Variants in RDH10 observed in about 807,000 individuals in gnomAD.
RDH10 encodes retinol dehydrogenase 10, also known as retinol dehydrogenase 10 (all-trans).
A neutral mutation model predicts 30.2 loss-of-function variants in RDH10; 12 were observed. That is an observed-to-expected ratio of 0.40 (90% CI 0.25 to 0.64). The LOEUF is 0.64. Ranked by LOEUF, RDH10 falls within the 30% of genes least tolerant of loss-of-function variation. The pLI, the probability that RDH10 is intolerant of heterozygous loss-of-function variation, is 0.43. For missense variants in RDH10, 268 were observed against 445.2 expected (o/e 0.60, Z 3.58); for synonymous variants, 189 against 172.2 (o/e 1.10, Z -0.76).
chr8:73,308,126 C>T (rs972589706), intron 2 of RDH10, among the ~76,000 whole-genome samples: 4 of 152,122 alleles, frequency 2.6e-5, no homozygotes, highest in East Asian at 1.9e-4. Flanking sequence ...AAAAAAGTCA[C>T]GAATGGATAG....
At chr8:73,296,035 T>C (rs1160498834) in intron 1 of RDH10, among the ~76,000 whole-genome samples, 1 of 152,194 alleles carries the variant, frequency 6.6e-6, no homozygotes, top group Admixed American at 6.5e-5. Flanking sequence ...ACGGTTTCAT[T>C]ATAAGTTTAG....
At chr8:73,308,931 G>A (rs930992890) in intron 2 of RDH10, among the ~76,000 whole-genome samples, 7 of 152,072 alleles carry the variant, frequency 4.6e-5, no homozygotes, top group African/African-American at 1.2e-4. Context: ...TTGTAGTCCC[G>A]AGCAGCCACA....
At position 73,322,947 on chromosome 8, in the gene RDH10, C is replaced by T. The variant is rs1228455605; in HGVS notation, c.937C>T (p.Arg313Trp). The change falls in exon 6 of 6, where the codon CGG (arginine) becomes TGG (tryptophan). Residue 313 changes from arginine to tryptophan, a missense_variant. This residue lies in a region of RDH10 where 136 missense variants were observed against 288.8 expected (regional missense o/e 0.47). Transcript: ENST00000240285. ...ATTTGAAGCAGTTGTGTGCATGTAT[C>T]GGTTCCTAGGAGCGGACAAGTGTAT... ...LPFEAVVCMYRFLGADKCMYP... is the reference protein window; with the variant it reads ...LPFEAVVCMYWFLGADKCMYP... The T allele has an allele frequency of 6.2e-7, 1 of 1,614,040 alleles. No homozygotes were observed. The highest frequency in any genetic ancestry group is 8.5e-7 in the Non-Finnish European group (1 of 1,179,968).
At chr8:73,295,758 G>C in intron 1 of RDH10, 180 bp downstream of exon 1, 1 of 916,000 alleles carries the variant, frequency 1.1e-6, no homozygotes, top group East Asian at 3.2e-5. Context: ...GATCACTTCT[G>C]TATTACCAGG....
At chr8:73,307,523 A>G (rs949869124) in intron 2 of RDH10, among the ~76,000 whole-genome samples, 2 of 152,228 alleles carry the variant, frequency 1.3e-5, no homozygotes, top group African/African-American at 4.8e-5. Flanking sequence ...GCCTTTTCAT[A>G]AACACTTTTC....
intron 2 of RDH10, among the ~76,000 whole-genome samples, chr8:73,302,285 C>A (rs2925454): frequency 1.3e-5 from 2 of 152,148 alleles, no homozygotes; most frequent in Non-Finnish European, 1.5e-5. Flanking sequence ...GTGAAACACC[C>A]AGTACAAGAC....
chr8:73,296,705 G>C (rs1011692812), intron 1 of RDH10, among the ~76,000 whole-genome samples: 1 of 152,268 alleles, frequency 6.6e-6, no homozygotes, highest in Admixed American at 6.5e-5. Flanking sequence ...TTCATTTCTT[G>C]GCTTTGGATG....
intron 2 of RDH10, among the ~76,000 whole-genome samples, chr8:73,317,289 G>A (rs2130377359): frequency 6.6e-6 from 1 of 152,248 alleles, no homozygotes; most frequent in Admixed American, 6.5e-5. Context: ...GAATTATTAG[G>A]GGGCTCCAGT....
chr8:73,309,001 T>A (rs1393395366), intron 2 of RDH10, among the ~76,000 whole-genome samples: 1 of 152,186 alleles, frequency 6.6e-6, no homozygotes, highest in East Asian at 1.9e-4. Context: ...AGGTGATTCC[T>A]ACACGCATGT....
chr8:73,316,657 T>C (rs1347773781), intron 2 of RDH10, among the ~76,000 whole-genome samples: 3 of 152,274 alleles, frequency 2.0e-5, no homozygotes, highest in African/African-American at 7.2e-5. Flanking sequence ...GACTGGGTAA[T>C]TTACAAAGAA....
chr8:73,308,368 G>T (rs77300617), intron 2 of RDH10, among the ~76,000 whole-genome samples: 6,247 of 152,248 alleles, frequency 0.041, 426 homozygotes, highest in African/African-American at 0.14. Context: ...TGGGCCACTG[G>T]TAGTGTCCAA....
chr8:73,322,429 C>T, intron 4 of RDH10: 1 of 429,318 alleles, frequency 2.3e-6, no homozygotes, highest in Admixed American at 4.1e-5. Context: ...ATCTTAAAAA[C>T]ATGACTTTTT....
chr8:73,319,208 A>G lies in RDH10; in HGVS notation c.624+14A>G, dbSNP rs376980232. ...GCCGGAGTTGAGGTTTGTCAGATAT[A>G]TAGCATTTCTTTCGTTCAATCTGTT... On this transcript the variant is annotated intron_variant, in intron 3 of 5. Transcript: ENST00000240285. The G allele has an allele frequency of 1.4e-4, 226 of 1,569,036 alleles. 1 individual carries two copies. The highest frequency in any genetic ancestry group is 1.3e-3 in the South Asian group (115 of 89,696).
At chr8:73,311,540 G>A (rs1448766400) in intron 2 of RDH10, 1 of 152,192 alleles carries the variant, frequency 6.6e-6, no homozygotes, top group African/African-American at 2.4e-5. Flanking sequence ...TGGTTGCAGG[G>A]CAACTGTAGG....
intron 1 of RDH10, chr8:73,295,910 C>T (rs1297370998): frequency 4.7e-6 from 5 of 1,054,664 alleles, no homozygotes; most frequent in Non-Finnish European, 4.7e-6. Context: ...ATGTCTTGCT[C>T]CGACTTACAA....
In RDH10 at chr8:73,295,028, C is replaced by G. The variant is rs1814230972; in HGVS notation, c.-262C>G. The stretch of plus-strand genomic sequence containing the variant: ...CGCTGCGGGACGGGCGGGCGGCTGC[C>G]GGCAGGAGGCGCCGAGCCGGGTGAC... On this transcript the variant is annotated 5_prime_UTR_variant, in exon 1 of 6. Coordinates refer to ENST00000240285, the MANE Select transcript of RDH10 (RefSeq NM_172037.5). 1 of 356,150 alleles carries G rather than the reference C, an allele frequency of 2.8e-6. No individual in the cohort carries two copies. The allele number at this position is 356,150 out of a possible 1,614,324, so 22.1% of individuals were successfully genotyped here. A position where few individuals can be genotyped will look rare whatever the true frequency, so the allele number is the denominator to read the frequency against.
chr8:73,322,830 T>G lies in RDH10; in HGVS notation c.902+20T>G, dbSNP rs1323906572. 1 of 1,614,166 alleles carries G rather than the reference T, an allele frequency of 6.2e-7. No individual in the cohort carries two copies. The highest frequency in any genetic ancestry group is 2.2e-5 in the East Asian group (1 of 44,874). On this transcript the variant is annotated intron_variant, in intron 5 of 5. Coordinates refer to ENST00000240285, the MANE Select transcript of RDH10 (RefSeq NM_172037.5). ...GAAGAGGTAACTGGGAGGGGTTCCC[T>G]CACTGACTGGGTCTCTCCATGCCTG...
intron 2 of RDH10, among the ~76,000 whole-genome samples, chr8:73,306,126 A>G (rs1009278986): frequency 6.6e-6 from 1 of 152,198 alleles, no homozygotes; most frequent in Non-Finnish European, 1.5e-5. Flanking sequence ...GGTTCCCTGT[A>G]TTGTGAATTA....
rs1294463673 is a variant in RDH10 at position 73,325,172 on chromosome 8, T to C, written c.*2136T>C. Reference sequence around the variant, plus strand: ...CCTTAAAACTGAGGAAAGTCGTCTTTACATCTAATTTTATTCTTGTGTGTT... The same window carrying C: ...CCTTAAAACTGAGGAAAGTCGTCTTCACATCTAATTTTATTCTTGTGTGTT... On this transcript the variant is annotated 3_prime_UTR_variant, in exon 6 of 6. Coordinates refer to ENST00000240285, the MANE Select transcript of RDH10 (RefSeq NM_172037.5). The C allele has an allele frequency of 6.6e-6, 1 of 152,258 alleles. No homozygotes were observed. The highest frequency in any genetic ancestry group is 1.5e-5 in the Non-Finnish European group (1 of 68,050). The allele number at this position is 152,258 out of a possible 1,614,324, so 9.4% of individuals were successfully genotyped here.
Sources: allele counts gnomAD v4.1 joint callset (sites outside exome capture counted in the v4.1 genomes callset), GRCh38; gene constraint gnomAD v4.1.1; regional missense constraint gnomAD v4.1.1; transcripts MANE v1.5; gene names NCBI Gene and HGNC (gene_info 2026-07-23, HGNC 2026-07-21).